SPAG16: variants seen among roughly 807,000 people sequenced by gnomAD.
The protein encoded by SPAG16 is sperm associated antigen 16.
Under a neutral mutation model 80.4 loss-of-function variants are expected in SPAG16, and 86 were observed. The observed-to-expected ratio is 1.07, with a 90% CI of 0.90 to 1.28. The LOEUF is 1.28. Ranked by LOEUF, SPAG16 falls within the 50% of genes most tolerant of loss-of-function variation. SPAG16 has a pLI of 0.00. For missense variants in SPAG16, 870 were observed against 765.3 expected, an observed-to-expected ratio of 1.14 and a Z score of -1.61; for synonymous variants, 294 against 265.9, an observed-to-expected ratio of 1.11 and a Z score of -1.03.
chr2:214,191,484 G>T (rs1206580896), intron 15 of SPAG16, among the ~76,000 whole-genome samples: 1 of 151,900 alleles, frequency 6.6e-6, no homozygotes, highest in African/African-American at 2.4e-5. Flanking sequence ...AGACCAAGGT[G>T]GGCAGATTAC....
At position 213,930,009 on chromosome 2, in the gene SPAG16, G is replaced by T. The variant is rs776705391; in HGVS notation, c.1264G>T (p.Asp422Tyr). The T allele has an allele frequency of 1.9e-6, 3 of 1,613,856 alleles. No homozygotes were observed. In the Admixed American group the frequency reaches 5.0e-5, roughly 27 times the overall value. ...TGGTGACACTACAGTTAAATTATGG[G>T]ATCTATGTAAAGGCGATTGCATTTT... Reference protein sequence around the residue: ...SSGDTTVKLWDLCKGDCILTF... With the variant: ...SSGDTTVKLWYLCKGDCILTF... The change falls in exon 12 of 16, where the codon GAT (aspartate) becomes TAT (tyrosine). Residue 422 changes from aspartate to tyrosine, a missense_variant. Physicochemically the swap from Asp to Tyr is radical, Grantham distance 160. Transcript: ENST00000331683.
chr2:214,040,542 T>C (rs963011103), intron 13 of SPAG16, among the ~76,000 whole-genome samples: 1 of 152,174 alleles, frequency 6.6e-6, no homozygotes, highest in African/African-American at 2.4e-5. Context: ...ATGTGGTATT[T>C]GGTTTTCTGT....
chr2:214,044,903 C>G (rs1575956816), intron 13 of SPAG16, among the ~76,000 whole-genome samples: 1 of 152,152 alleles, frequency 6.6e-6, no homozygotes, highest in East Asian at 1.9e-4. Flanking sequence ...TTCTAGCAAG[C>G]CTTAACACTG....
rs140420224 is a variant in SPAG16 at position 213,791,757 on chromosome 2, C to A, written c.1071-70728C>A. Among the ~76,000 whole-genome samples, 4 of 151,972 alleles carry A rather than the reference C, an allele frequency of 2.6e-5. No individual in the cohort carries two copies. In the East Asian group the frequency reaches 7.7e-4, roughly 29 times the overall value. ...TAAGTCAAGCATGGTTAAGACAGGC[C>A]CTTATCATTTAATGGAAAGGATTAG... On this transcript the variant is annotated intron_variant, in intron 10 of 15. Coordinates refer to ENST00000331683, the MANE Select transcript of SPAG16 (RefSeq NM_024532.5).
chr2:213,785,522 A>G (rs1281153901), intron 10 of SPAG16, among the ~76,000 whole-genome samples: 1 of 152,184 alleles, frequency 6.6e-6, no homozygotes, highest in Non-Finnish European at 1.5e-5. Context: ...ACATTGGAAT[A>G]TTATTGGTCA....
chr2:214,130,201 C>G (rs1056382617), intron 14 of SPAG16, among the ~76,000 whole-genome samples: 1 of 152,178 alleles, frequency 6.6e-6, no homozygotes, highest in Non-Finnish European at 1.5e-5. Flanking sequence ...CTGGAAGTCT[C>G]TAGCAGCCGG....
At chr2:213,884,781 C>T (rs2076489419) in intron 11 of SPAG16, among the ~76,000 whole-genome samples, 2 of 152,178 alleles carry the variant, frequency 1.3e-5, no homozygotes, top group Non-Finnish European at 2.9e-5. Context: ...GTCTAATCTT[C>T]TGTTAGTACT....
chr2:214,168,100 C>G (rs2056734266), intron 15 of SPAG16, among the ~76,000 whole-genome samples: 1 of 151,394 alleles, frequency 6.6e-6, no homozygotes, highest in Non-Finnish European at 1.5e-5. Context: ...AAGGATTCTC[C>G]CACCTCAGCC....
At chr2:213,814,511 C>G (rs2072389103) in intron 10 of SPAG16, among the ~76,000 whole-genome samples, 2 of 152,050 alleles carry the variant, frequency 1.3e-5, no homozygotes, top group Admixed American at 1.3e-4. Flanking sequence ...AGAATAATAG[C>G]CCAAGTGAAG....
intron 7 of SPAG16, among the ~76,000 whole-genome samples, chr2:213,361,365 T>C (rs1212920347): frequency 1.0e-5 from 1 of 97,024 alleles, no homozygotes; most frequent in Non-Finnish European, 3.0e-5. Context: ...TATGTATGTA[T>C]GTGTGTGTGT....
At chr2:213,288,450 A>G (rs1227021725) in intron 1 of SPAG16, among the ~76,000 whole-genome samples, 1 of 149,756 alleles carries the variant, frequency 6.7e-6, no homozygotes, top group Non-Finnish European at 1.5e-5. Context: ...GACTACAGGC[A>G]TCTGCCACCA....
chr2:214,029,751 A>G (rs2048319336), intron 13 of SPAG16, among the ~76,000 whole-genome samples: 1 of 152,174 alleles, frequency 6.6e-6, no homozygotes, highest in Admixed American at 6.6e-5. Flanking sequence ...CAAATTACTC[A>G]GTCACTCACA....
At chr2:214,089,252 G>A (rs2051999350) in intron 13 of SPAG16, among the ~76,000 whole-genome samples, 1 of 151,958 alleles carries the variant, frequency 6.6e-6, no homozygotes, top group East Asian at 1.9e-4. Flanking sequence ...TGGAGGCTGA[G>A]GGGAGGCATT....
intron 10 of SPAG16, among the ~76,000 whole-genome samples, chr2:213,553,558 G>A (rs2076848181): frequency 6.6e-6 from 1 of 152,118 alleles, no homozygotes; most frequent in African/African-American, 2.4e-5. Flanking sequence ...TCAAGAAGTG[G>A]CCACTGTTGA....
chr2:213,798,081 G>A (rs935680690), intron 10 of SPAG16, among the ~76,000 whole-genome samples: 3 of 152,158 alleles, frequency 2.0e-5, no homozygotes, highest in Non-Finnish European at 4.4e-5. Context: ...ACCTTCTCAT[G>A]TGCTTATTGC....
At chr2:213,668,522 G>A (rs948346145) in intron 10 of SPAG16, among the ~76,000 whole-genome samples, 1 of 151,724 alleles carries the variant, frequency 6.6e-6, no homozygotes, top group African/African-American at 2.4e-5. Context: ...TATTTAGAGT[G>A]GTATATTTTC....
intron 10 of SPAG16, among the ~76,000 whole-genome samples, chr2:213,778,898 G>A (rs1040941172): frequency 8.5e-5 from 13 of 152,146 alleles, no homozygotes; most frequent in African/African-American, 2.9e-4. Context: ...AATTATTTAC[G>A]TTTTCTTCAT....
intron 10 of SPAG16, among the ~76,000 whole-genome samples, chr2:213,718,586 C>G (rs2066357789): frequency 1.3e-5 from 2 of 152,220 alleles, no homozygotes; most frequent in African/African-American, 4.8e-5. Flanking sequence ...GCACTGGAAG[C>G]AGCCAGTCAG....
At chr2:213,736,706 A>AT (rs10631489) in intron 10 of SPAG16, among the ~76,000 whole-genome samples, 65,106 of 145,304 alleles carry the variant, frequency 0.45, 15,827 homozygotes, top group Non-Finnish European at 0.55. Flanking sequence ...TTTTTAAATA[A>AT]TTTTTTTTTT....
Sources: allele counts gnomAD v4.1 joint callset (sites outside exome capture counted in the v4.1 genomes callset), GRCh38; gene constraint gnomAD v4.1.1; transcripts MANE v1.5; gene names NCBI Gene and HGNC (gene_info 2026-07-23, HGNC 2026-07-21).